The following FREM2 variants were observed in gnomAD, a reference collection of about 807,000 sequenced individuals.
FREM2 encodes the protein FRAS1-related extracellular matrix protein 2.
A neutral mutation model predicts 219.9 loss-of-function variants in FREM2; 119 were observed. The ratio of observed to expected loss-of-function variants is 0.54; its 90% CI spans 0.47 to 0.63. The LOEUF is 0.63. FREM2 is among the 30% of genes least tolerant of loss of function. FREM2 has a pLI of 0.00. For synonymous variants in FREM2, 1,562 were observed against 1,522.8 expected (o/e 1.03, Z -0.60); for missense variants, 4,030 against 3,993.6 (o/e 1.01, Z -0.25).
chr13:38,831,385 G>A (rs1050549980), intron 6 of FREM2, among the ~76,000 whole-genome samples: 2 of 152,004 alleles, frequency 1.3e-5, no homozygotes, highest in African/African-American at 2.4e-5. Flanking sequence ...CTACATTGAT[G>A]ATAGAATCTC....
intron 18 of FREM2, 69 bp downstream of exon 18, chr13:38,874,655 T>C: frequency 7.3e-6 from 9 of 1,237,790 alleles, no homozygotes; most frequent in Non-Finnish European, 1.1e-5. Context: ...TCTTCACACA[T>C]TTCAGCGTGC....
At position 38,762,445 on chromosome 13, in the gene FREM2, C is replaced by CTT. The variant is rs11428192; in HGVS notation, c.5264-1849_5264-1848dup. 7.8e-4 allele frequency among the ~76,000 whole-genome samples: 116 copies of CTT among 149,114 alleles called. 1 individual carries two copies. The East Asian group carries it at 0.016, about 21-fold the overall frequency. Reference sequence around the variant, plus strand: ...TGACACAAAATTCCTGCTCTCCAATCTTTTTTTTTTTGAGACAGAGTTTCA... The same window carrying CTT: ...TGACACAAAATTCCTGCTCTCCAATCTTTTTTTTTTTTTGAGACAGAGTTTCA... On this transcript the variant is annotated intron_variant, in intron 2 of 23. Transcript: ENST00000280481.
Position 38,691,884 on chromosome 13 carries a change from G to A in FREM2, c.4540G>A (p.Gly1514Arg), listed in dbSNP as rs760079191. 5.2e-5 allele frequency: 84 copies of A among 1,614,146 alleles called. 3 individuals are homozygous for A. In the South Asian group the frequency reaches 8.3e-4, roughly 16 times the overall value. The change falls in exon 1 of 24, where the codon GGA becomes AGA. Residue 1514 changes from glycine to arginine, a missense_variant. Physicochemically the swap from Gly to Arg is moderately radical, Grantham distance 125. This residue lies in a region of FREM2 where 3,102 missense variants were observed against 2,950.7 expected (regional missense o/e 1.05). Transcript: ENST00000280481. ...CAGTTTTGAGTTTCAAGTCACCGAT[G>A]GACGTAACCCTGTCTTTCGGACATT... ...MDSFEFQVTDGRNPVFRTFRI... is the reference protein window; with the variant it reads ...MDSFEFQVTDRRNPVFRTFRI...
Position 38,880,301 on chromosome 13 carries a change from A to G in FREM2, c.9024A>G (p.Glu3008=). 1 of 1,614,036 alleles carries G rather than the reference A, an allele frequency of 6.2e-7. No homozygotes were observed. The highest frequency in any genetic ancestry group is 1.1e-5 in the South Asian group (1 of 91,070). ...TPLFQVALGR[E]WYIHTIYTVR... ...CTTTCTAGGTCGCTCTAGGCCGAGA[A>G]TGGTATATACATACGATCTATACAG... The change falls in exon 24 of 24, where the codon GAA becomes GAG. Residue 3008 remains glutamate, a synonymous_variant. Coordinates refer to ENST00000280481, the MANE Select transcript of FREM2 (RefSeq NM_207361.6).
At chr13:38,866,692 C>T (rs986856557) in intron 16 of FREM2, among the ~76,000 whole-genome samples, 6 of 149,772 alleles carry the variant, frequency 4.0e-5, no homozygotes, top group Non-Finnish European at 8.9e-5. Flanking sequence ...AAAATCACTT[C>T]ATGCTATTGA....
chr13:38,844,013 CAA>C (rs1416116049), intron 6 of FREM2, among the ~76,000 whole-genome samples: 2 of 151,774 alleles, frequency 1.3e-5, no homozygotes, highest in Non-Finnish European at 2.9e-5. Flanking sequence ...GAGTGGAGCA[CAA>C]AGAGGGAGAA....
chr13:38,774,027 T>G (rs1282142992), intron 4 of FREM2, among the ~76,000 whole-genome samples: 1 of 151,374 alleles, frequency 6.6e-6, no homozygotes, highest in Non-Finnish European at 1.5e-5. Context: ...TATATATTGT[T>G]TCCCCCTCTA....
At chr13:38,803,289 G>T (rs920552831) in intron 6 of FREM2, among the ~76,000 whole-genome samples, 4 of 152,154 alleles carry the variant, frequency 2.6e-5, no homozygotes, top group Admixed American at 2.0e-4. Context: ...TAGTTGCAAT[G>T]TCTGAGAAGT....
rs139981114 is a variant in FREM2, at chr13:38,856,368, G to A, written c.7056+112G>A. 278 of 964,992 alleles carry A rather than the reference G, an allele frequency of 2.9e-4. No individual in the cohort carries two copies. The East Asian group carries it at 6.7e-3, about 23-fold the overall frequency. The allele number at this position is 964,992 out of a possible 1,614,324, so 59.8% of individuals were successfully genotyped here. A position where few individuals can be genotyped will look rare whatever the true frequency, so the allele number is the denominator to read the frequency against. On this transcript the variant is annotated intron_variant, in intron 12 of 23. Coordinates refer to ENST00000280481, the MANE Select transcript of FREM2 (RefSeq NM_207361.6). ...TGAGGAGACTTTGAACAAGCCTTAC[G>A]TGAAAGAGATATGCATAATCTCTTT...
In FREM2 at chr13:38,878,250, T is replaced by C. The variant is rs116195774; in HGVS notation, c.8788T>C (p.Tyr2930His). 2.5e-6 allele frequency: 4 copies of C among 1,613,780 alleles called. No individual in the cohort carries two copies. In the East Asian group the frequency reaches 8.9e-5, roughly 36 times the overall value. Residue 2930 changes from tyrosine to histidine, a missense_variant, in exon 22 of 24, where the codon TAT becomes CAT. By Grantham distance (83) the Tyr-to-His change is moderately conservative (BLOSUM62 2). Coordinates refer to ENST00000280481, the MANE Select transcript of FREM2 (RefSeq NM_207361.6). ...CTGADGYVPK[Y>H]SPMNAEYGCL... ...TGGAGCTGATGGCTATGTTCCCAAG[T>C]ATAGTCCAATGAATGCAGAATATGG...
intron 2 of FREM2, among the ~76,000 whole-genome samples, chr13:38,741,237 T>A (rs2137780610): frequency 6.6e-6 from 1 of 152,310 alleles, no homozygotes; most frequent in South Asian, 2.1e-4. Context: ...CAAGTGTGGT[T>A]CATGCATGCC....
At chr13:38,770,882 A>G (rs1445346363) in intron 4 of FREM2, among the ~76,000 whole-genome samples, 1 of 152,226 alleles carries the variant, frequency 6.6e-6, no homozygotes, top group Non-Finnish European at 1.5e-5. Flanking sequence ...AAGAAAAAGA[A>G]AAAAGATTGA....
intron 6 of FREM2, among the ~76,000 whole-genome samples, chr13:38,817,027 T>C (rs1348928438): frequency 2.0e-4 from 31 of 152,088 alleles, no homozygotes; most frequent in Non-Finnish European, 8.8e-5. Context: ...AAAATCTTTA[T>C]ACTGAGGCTA....
intron 16 of FREM2, among the ~76,000 whole-genome samples, chr13:38,868,509 T>A (rs2137929721): frequency 6.6e-6 from 1 of 152,332 alleles, no homozygotes. Context: ...GGGCATTAAA[T>A]TGAATGTGAG....
chr13:38,779,056 A>G (rs923209015), intron 4 of FREM2, among the ~76,000 whole-genome samples: 2 of 152,228 alleles, frequency 1.3e-5, no homozygotes, highest in Non-Finnish European at 1.5e-5. Context: ...TCATAATAAT[A>G]GGTGTAATTC....
chr13:38,851,581 G>A, intron 10 of FREM2, 105 bp from the exon 11 acceptor site: 2 of 895,082 alleles, frequency 2.2e-6, no homozygotes, highest in Non-Finnish European at 3.7e-6. Flanking sequence ...AGCCAGGAGT[G>A]TAATAGTCAT....
chr13:38,795,227 G>A (rs1295933829), intron 6 of FREM2, among the ~76,000 whole-genome samples: 1 of 151,948 alleles, frequency 6.6e-6, no homozygotes, highest in Non-Finnish European at 1.5e-5. Context: ...TCTGAGGGTA[G>A]CCAATATTGC....
At position 38,871,739 on chromosome 13, in the gene FREM2, T is replaced by C. The variant is rs1379429468; in HGVS notation, c.7984-1003T>C. Among the ~76,000 whole-genome samples the C allele has an allele frequency of 2.6e-5, 4 of 152,258 alleles. No individual in the cohort carries two copies. The East Asian group carries it at 7.7e-4, about 29-fold the overall frequency. Reference sequence around the variant, plus strand: ...TCCATCCATACATGCAAAATAATTATGGTGGAGAGTGAAAATATTAAATAG... The same window carrying C: ...TCCATCCATACATGCAAAATAATTACGGTGGAGAGTGAAAATATTAAATAG... On this transcript the variant is annotated intron_variant, in intron 16 of 23. Coordinates refer to ENST00000280481, the MANE Select transcript of FREM2 (RefSeq NM_207361.6).
chr13:38,822,730 T>C (rs1487840387), intron 6 of FREM2, among the ~76,000 whole-genome samples: 1 of 152,088 alleles, frequency 6.6e-6, no homozygotes, highest in Non-Finnish European at 1.5e-5. Flanking sequence ...TATATCTAAA[T>C]AGTAATATGT....
Sources: allele counts gnomAD v4.1 joint callset (sites outside exome capture counted in the v4.1 genomes callset), GRCh38; gene constraint gnomAD v4.1.1; regional missense constraint gnomAD v4.1.1; transcripts MANE v1.5; gene names NCBI Gene and HGNC (gene_info 2026-07-23, HGNC 2026-07-21).